Variants in PIK3C2B observed in about 807,000 individuals in gnomAD.
The protein encoded by PIK3C2B is phosphatidylinositol 4-phosphate 3-kinase C2 domain-containing subunit beta.
In PIK3C2B, 83 loss-of-function variants were observed where a neutral mutation model predicts 184.3. That is an observed-to-expected ratio of 0.45 (90% CI 0.38 to 0.54). The LOEUF is 0.54. PIK3C2B is among the 20% of genes least tolerant of loss of function. The pLI, the probability that PIK3C2B is intolerant of heterozygous loss-of-function variation, is 0.00. For missense variants in PIK3C2B, 1,736 were observed against 2,113.5 expected, an observed-to-expected ratio of 0.82 and a Z score of 3.50; for synonymous variants, 779 against 837.6, an observed-to-expected ratio of 0.93 and a Z score of 1.21.
chr1:204,491,639 G>A (rs1203296152), intron 1 of PIK3C2B, among the ~76,000 whole-genome samples: 1 of 152,208 alleles, frequency 6.6e-6, no homozygotes, highest in Non-Finnish European at 1.5e-5. Flanking sequence ...TCCAGCCTAG[G>A]CAACAGGGAG....
At position 204,445,997 on chromosome 1, in the gene PIK3C2B, G is replaced by T. The variant is rs1197547825; in HGVS notation, c.2637C>A (p.Thr879=). The change falls in exon 16 of 33, where the codon ACC becomes ACA. Residue 879 remains threonine (T), a synonymous_variant. Coordinates refer to ENST00000684373, the MANE Select transcript of PIK3C2B (RefSeq NM_001377334.1). ...CCAGGGCATCCTGGTGGTTCATGTG[G>T]GTCCACTGCTTCAGGAGAACATAGA... ...PDIYVLLKQW[T]HMNHQDALGL... is the part of the protein sequence containing the mutation. 6.3e-7 allele frequency: 1 copy of T among 1,581,648 alleles called. No homozygotes were observed. Among genetic ancestry groups the T allele is most frequent in the Admixed American group, 1.8e-5 (1 of 56,384 alleles).
intron 1 of PIK3C2B, among the ~76,000 whole-genome samples, chr1:204,474,663 C>G (rs1656576878): frequency 6.6e-6 from 1 of 152,100 alleles, no homozygotes; most frequent in African/African-American, 2.4e-5. Flanking sequence ...ATTCTATTCT[C>G]AGCTTACTGT....
chr1:204,457,391 T>C (rs1303741924), intron 9 of PIK3C2B, among the ~76,000 whole-genome samples: 1 of 152,220 alleles, frequency 6.6e-6, no homozygotes, highest in Non-Finnish European at 1.5e-5. Flanking sequence ...CTGGAGCCCC[T>C]GGCTCTAGAG....
intron 12 of PIK3C2B, among the ~76,000 whole-genome samples, chr1:204,452,230 A>G (rs1654425740): frequency 6.7e-6 from 1 of 149,966 alleles, no homozygotes; most frequent in African/African-American, 2.4e-5. Flanking sequence ...CTGTATGAGT[A>G]AAGGGTTTAA....
At chr1:204,463,510 A>C (rs568812124) in intron 5 of PIK3C2B, among the ~76,000 whole-genome samples, 2 of 152,200 alleles carry the variant, frequency 1.3e-5, no homozygotes, top group African/African-American at 4.8e-5. Flanking sequence ...CTTTGGGAGG[A>C]GGATAACTAG....
chr1:204,454,918 A>G (rs2103496313), intron 11 of PIK3C2B, 127 bp from the exon 12 acceptor site: 1 of 1,050,090 alleles, frequency 9.5e-7, no homozygotes, highest in Non-Finnish European at 1.4e-6. Context: ...GCTGTAACAC[A>G]GGATCTCCGG....
Position 204,424,991 on chromosome 1 carries a change from TG to T in PIK3C2B, c.4765del (p.Gln1589SerfsTer2). The T allele has an allele frequency of 6.2e-7, 1 of 1,614,082 alleles. No individual in the cohort carries two copies. The highest frequency in any genetic ancestry group is 8.5e-7 in the Non-Finnish European group (1 of 1,179,936). Reference sequence around the variant, plus strand: ...TCCCTGCTCACTCAGCACGCTCAGCTGGAGCTCCCGCTGCTGCAGGTCACCC... The same window carrying T: ...TCCCTGCTCACTCAGCACGCTCAGCTGAGCTCCCGCTGCTGCAGGTCACCC... ...PKGDLQQREL[Q>X]LSVLSEQGFW... On this transcript the variant is annotated frameshift_variant, in exon 33 of 33. Coordinates refer to ENST00000684373, the MANE Select transcript of PIK3C2B (RefSeq NM_001377334.1). LOFTEE classifies it high-confidence loss of function.
At chr1:204,484,562 G>A (rs371274405) in intron 1 of PIK3C2B, among the ~76,000 whole-genome samples, 4 of 152,170 alleles carry the variant, frequency 2.6e-5, no homozygotes, top group East Asian at 1.9e-4. Context: ...GTGAAAGCCC[G>A]TCCCTACTAA....
intron 1 of PIK3C2B, among the ~76,000 whole-genome samples, chr1:204,477,789 G>T (rs1656829426): frequency 6.6e-6 from 1 of 152,186 alleles, no homozygotes; most frequent in South Asian, 2.1e-4. Context: ...ATCCCAAAGG[G>T]TGTTGAGTAC....
chr1:204,490,257 T>C (rs1227585247), intron 1 of PIK3C2B: 1 of 254,896 alleles, frequency 3.9e-6, no homozygotes, highest in Non-Finnish European at 7.4e-6. Context: ...GTCTTATTTC[T>C]GCTTCAGGAC....
intron 2 of PIK3C2B, among the ~76,000 whole-genome samples, chr1:204,468,205 G>A (rs541982511): frequency 6.6e-6 from 1 of 152,078 alleles, no homozygotes; most frequent in Non-Finnish European, 1.5e-5. Flanking sequence ...AAATGGTTAC[G>A]GTGGCGAATT....
intron 23 of PIK3C2B, among the ~76,000 whole-genome samples, chr1:204,437,848 G>A (rs914659609): frequency 2.0e-5 from 3 of 152,222 alleles, no homozygotes; most frequent in Non-Finnish European, 4.4e-5. Flanking sequence ...AGACGTGGGT[G>A]AAACGTAGGT....
At chr1:204,472,258 G>C (rs895012134) in intron 1 of PIK3C2B, among the ~76,000 whole-genome samples, 4 of 151,140 alleles carry the variant, frequency 2.6e-5, no homozygotes, top group African/African-American at 9.7e-5. Context: ...CCACCTCCCA[G>C]GTTCATGCCA....
At chr1:204,484,452 C>A (rs1276304301) in intron 1 of PIK3C2B, among the ~76,000 whole-genome samples, 1 of 152,102 alleles carries the variant, frequency 6.6e-6, no homozygotes, top group Non-Finnish European at 1.5e-5. Context: ...AGTGTTTAAG[C>A]TGATGGCCGG....
At chr1:204,436,081 G>A (rs1675327322) in intron 23 of PIK3C2B, among the ~76,000 whole-genome samples, 1 of 152,196 alleles carries the variant, frequency 6.6e-6, no homozygotes, top group Admixed American at 6.5e-5. Context: ...TATGCAGGGT[G>A]TTAGCCACTT....
chr1:204,434,752 T>C, intron 23 of PIK3C2B, 144 bp from the exon 24 acceptor site: 1 of 612,828 alleles, frequency 1.6e-6, no homozygotes, highest in East Asian at 2.8e-5. Context: ...TGCCTGTTCA[T>C]CCTTCATCAT....
At chr1:204,458,973 C>A (rs1469328056) in intron 8 of PIK3C2B, among the ~76,000 whole-genome samples, 1 of 152,112 alleles carries the variant, frequency 6.6e-6, no homozygotes, top group Non-Finnish European at 1.5e-5. Flanking sequence ...AAAAAGGAAG[C>A]GTTTATGACT....
chr1:204,489,775 G>A, intron 1 of PIK3C2B: 2 of 396,394 alleles, frequency 5.0e-6, no homozygotes, highest in Admixed American at 8.8e-5. Flanking sequence ...TACTATCTGG[G>A]CTTTGCTTAG....
In PIK3C2B at chr1:204,433,214, G is replaced by T. The variant is rs900489049; in HGVS notation, c.3953+102C>A. 15 of 670,664 alleles carry T rather than the reference G, an allele frequency of 2.2e-5. No individual in the cohort carries two copies. Among genetic ancestry groups the T allele is most frequent in the Admixed American group, 1.3e-4 (5 of 38,480 alleles). 41.5% of individuals were successfully genotyped at this position (670,664 alleles called of 1,614,324 possible). On this transcript the variant is annotated intron_variant, in intron 26 of 32. Transcript: ENST00000684373. The surrounding 1 kb of genome is among the most constrained non-coding windows in gnomAD (Gnocchi z 5.0). ...TGGTCAGCTCTAGGCTCTAGCATCTGAGCTAAGCTTTTCACCTTTCCCCAG... is the reference window on the plus strand; with the variant it reads ...TGGTCAGCTCTAGGCTCTAGCATCTTAGCTAAGCTTTTCACCTTTCCCCAG...
Sources: allele counts gnomAD v4.1 joint callset (sites outside exome capture counted in the v4.1 genomes callset), GRCh38; gene constraint gnomAD v4.1.1; non-coding constraint Gnocchi (gnomAD v3.1); transcripts MANE v1.5; gene names NCBI Gene and HGNC (gene_info 2026-07-23, HGNC 2026-07-21).